PLSCR1: variants seen among roughly 807,000 people sequenced by gnomAD.
PLSCR1 encodes the protein PL scramblase 1.
A neutral mutation model predicts 37.8 loss-of-function variants in PLSCR1; 17 were observed. That is an observed-to-expected ratio of 0.45 (90% CI 0.31 to 0.68). The LOEUF (loss-of-function observed/expected upper bound fraction) is 0.68. PLSCR1 is among the 30% of genes least tolerant of loss of function. PLSCR1 has a pLI of 0.06. For synonymous variants in PLSCR1, 116 were observed against 125.9 expected (o/e 0.92, Z 0.53); for missense variants, 347 against 380.9 (o/e 0.91, Z 0.74).
At chr3:146,524,919 A>G (rs752892287) in intron 5 of PLSCR1, among the ~76,000 whole-genome samples, 1 of 152,210 alleles carries the variant, frequency 6.6e-6, no homozygotes, top group Non-Finnish European at 1.5e-5. Context: ...AACCTTTTTT[A>G]TCTAGAAGGA....
intron 3 of PLSCR1, among the ~76,000 whole-genome samples, chr3:146,533,169 G>T (rs72992386): frequency 0.054 from 8,160 of 152,078 alleles, 745 homozygotes; most frequent in African/African-American, 0.19. Flanking sequence ...TGTATTTTAG[G>T]ATGTACAGTC....
intron 5 of PLSCR1, among the ~76,000 whole-genome samples, chr3:146,523,649 T>C (rs1475932426): frequency 6.6e-6 from 1 of 152,222 alleles, no homozygotes; most frequent in African/African-American, 2.4e-5. Context: ...GACAAACGTG[T>C]TCGGCAACCA....
Position 146,528,749 on chromosome 3 carries a change from A to T in PLSCR1, c.177T>A (p.Ala59=). 1 of 1,614,194 alleles carries T rather than the reference A, an allele frequency of 6.2e-7. No individual in the cohort carries two copies. ...PPAGHSGPGP[A]GFPVPNQPVY... ...CTGGCTGATTTGGGACAGGAAAGCC[A>T]GCTGGGCCAGGACCTGAATGGCCGG... Residue 59 remains alanine (A), a synonymous_variant, in exon 4 of 9, where the codon GCT becomes GCA. Transcript: ENST00000342435.
chr3:146,543,558 A>G (rs1177874676), intron 1 of PLSCR1, among the ~76,000 whole-genome samples: 1 of 151,846 alleles, frequency 6.6e-6, no homozygotes, highest in African/African-American at 2.4e-5. Flanking sequence ...CAGAAAAAAC[A>G]ACGACTGCCT....
chr3:146,543,982 G>A (rs1300148950), intron 1 of PLSCR1, among the ~76,000 whole-genome samples: 2 of 152,046 alleles, frequency 1.3e-5, no homozygotes, highest in Non-Finnish European at 1.5e-5. Flanking sequence ...GGGCTCCGGC[G>A]GACTTCATTG....
intron 2 of PLSCR1, among the ~76,000 whole-genome samples, chr3:146,535,967 A>G (rs2044260198): frequency 6.6e-6 from 1 of 152,182 alleles, no homozygotes; most frequent in Non-Finnish European, 1.5e-5. Flanking sequence ...TGTAGTGGGA[A>G]TTTTGAACAT....
intron 4 of PLSCR1, among the ~76,000 whole-genome samples, chr3:146,527,266 T>TA (rs1226068647): frequency 6.6e-6 from 1 of 152,224 alleles, no homozygotes; most frequent in Non-Finnish European, 1.5e-5. Flanking sequence ...TAGTGTTCTA[T>TA]AGCTATGTAG....
chr3:146,516,172 T>C, intron 8 of PLSCR1, 71 bp from the exon 9 acceptor site: 6 of 885,432 alleles, frequency 6.8e-6, no homozygotes, highest in Non-Finnish European at 1.1e-5. Context: ...GATGCAGAAA[T>C]ACTAAGGGAT....
In PLSCR1 at chr3:146,528,805, C is replaced by G. The variant is rs765661070; in HGVS notation, c.121G>C (p.Gly41Arg). 1 of 1,612,956 alleles carries G rather than the reference C, an allele frequency of 6.2e-7. No individual in the cohort carries two copies. The highest frequency in any genetic ancestry group is 1.7e-5 in the Admixed American group (1 of 60,014). Residue 41 changes from glycine to arginine, a missense_variant, in exon 4 of 9, where the codon GGG becomes CGG. Physicochemically the swap from Gly to Arg is moderately radical, Grantham distance 125. Transcript: ENST00000342435. ...QGPPGYSGYP[G>R]PQVSYPPPPA... is the part of the protein sequence containing the mutation. ...GGGGGTGGGTAGCTGACCTGGGGCC[C>G]AGGGTAGCCACTATATCCTGGAGGT...
At position 146,521,520 on chromosome 3, in the gene PLSCR1, T is replaced by C. The variant is rs1172895764; in HGVS notation, c.738+24A>G. 3.8e-6 allele frequency: 6 copies of C among 1,597,808 alleles called. No homozygotes were observed. In the South Asian group the frequency reaches 6.7e-5, roughly 18 times the overall value. On this transcript the variant is annotated intron_variant, in intron 7 of 8. Coordinates refer to ENST00000342435, the MANE Select transcript of PLSCR1 (RefSeq NM_021105.3). The stretch of plus-strand genomic sequence containing the variant: ...CTTCTTATATTAGGAAAGCAAATCT[T>C]ATAAACATTATGACATCTCTTACCT...
chr3:146,533,610 A>G (rs2044229373), intron 2 of PLSCR1, 60 bp from the exon 3 acceptor site: 2 of 993,544 alleles, frequency 2.0e-6, no homozygotes, highest in Middle Eastern at 2.2e-4. Context: ...TTAGAAAGAA[A>G]CAATGTATTG....
chr3:146,532,485 G>T (rs1171818448), intron 3 of PLSCR1, among the ~76,000 whole-genome samples: 2 of 152,138 alleles, frequency 1.3e-5, no homozygotes, highest in Admixed American at 6.5e-5. Context: ...TGCAGACAAG[G>T]TTGCCATGAG....
intron 4 of PLSCR1, chr3:146,527,817 T>C (rs1422986135): frequency 3.3e-5 from 5 of 152,200 alleles, no homozygotes; most frequent in African/African-American, 9.6e-5. Context: ...ACAAGAATAT[T>C]TGTATGTGTA....
chr3:146,527,269 C>T (rs555310588), intron 4 of PLSCR1, among the ~76,000 whole-genome samples: 1 of 152,206 alleles, frequency 6.6e-6, no homozygotes, highest in South Asian at 2.1e-4. Context: ...TGTTCTATAG[C>T]TATGTAGGCT....
chr3:146,525,949 CAA>C (rs2108637143), intron 4 of PLSCR1, among the ~76,000 whole-genome samples: 1 of 151,224 alleles, frequency 6.6e-6, no homozygotes, highest in East Asian at 1.9e-4. Context: ...TTTGGGAGGC[CAA>C]AGTGGGCAGA....
chr3:146,532,477 C>T (rs2044212092), intron 3 of PLSCR1, among the ~76,000 whole-genome samples: 1 of 152,206 alleles, frequency 6.6e-6, no homozygotes, highest in Admixed American at 6.5e-5. Context: ...TACTTCAGTG[C>T]AGACAAGGTT....
chr3:146,522,905 A>G (rs975503883), intron 5 of PLSCR1, among the ~76,000 whole-genome samples: 2 of 152,208 alleles, frequency 1.3e-5, no homozygotes, highest in Non-Finnish European at 2.9e-5. Context: ...ATGTTTATGT[A>G]TATGCACATC....
In PLSCR1 at chr3:146,517,185, A is replaced by G. The variant is rs73865770; in HGVS notation, c.739-18T>C. ...GATTTAATCTAAATTGAAAAAAAAA[A>G]GTATTAAATACTTTTAGGAAACTTA... On this transcript the variant is annotated intron_variant, in intron 7 of 8. Transcript: ENST00000342435. 3,675 of 1,411,174 alleles carry G rather than the reference A, an allele frequency of 2.6e-3. 93 individuals are homozygous for G. In the African/African-American group the frequency reaches 0.043, roughly 16 times the overall value. 87.4% of individuals were successfully genotyped at this position (1,411,174 alleles called of 1,614,324 possible). A position where few individuals can be genotyped will look rare whatever the true frequency, so the allele number is the denominator to read the frequency against.
intron 2 of PLSCR1, among the ~76,000 whole-genome samples, chr3:146,535,247 G>C (rs1188410861): frequency 1.4e-5 from 2 of 146,220 alleles, no homozygotes; most frequent in African/African-American, 4.9e-5. Flanking sequence ...CTATAACATA[G>C]AACACACACA....
Sources: gnomAD v4.1 joint callset for allele counts (sites outside exome capture counted in the v4.1 genomes callset) on GRCh38, gnomAD v4.1.1 for gene constraint, MANE v1.5 for transcripts, NCBI Gene and HGNC (gene_info 2026-07-23, HGNC 2026-07-21) for gene names.